The following RFFL variants were observed in gnomAD, a reference collection of about 807,000 sequenced individuals.
RFFL encodes E3 ubiquitin-protein ligase rififylin.
Under a neutral mutation model 40.4 loss-of-function variants are expected in RFFL, and 16 were observed. That is an observed-to-expected ratio of 0.40 (90% CI 0.27 to 0.60). The LOEUF (loss-of-function observed/expected upper bound fraction) is 0.60, where lower values mean the gene tolerates loss of function less well. Ranked by LOEUF, RFFL falls within the 20% of genes least tolerant of loss-of-function variation. The pLI is 0.47. For synonymous variants in RFFL, 154 were observed against 167.9 expected (o/e 0.92, Z 0.64); for missense variants, 367 against 451.7 (o/e 0.81, Z 1.70).
rs35996071 is a variant in RFFL at position 35,075,986 on chromosome 17, CTT to C, written c.-9+13117_-9+13118del. Among the ~76,000 whole-genome samples, 192 of 80,006 alleles carry C rather than the reference CTT, an allele frequency of 2.4e-3. 2 individuals carry two copies. The East Asian group carries it at 0.029, about 12-fold the overall frequency. The allele number at this position is 80,006 out of a possible 152,430, so 52.5% of individuals were successfully genotyped here. On this transcript the variant is annotated intron_variant, in intron 1 of 6. Transcript: ENST00000315249. ...CCAATGCAAATTCTATCAATTTATT[CTT>C]TTTTTTTTTTTTTTTTTTTTTTTGA...
At chr17:35,016,122 G>A (rs1028350337) in intron 5 of RFFL, among the ~76,000 whole-genome samples, 7 of 152,200 alleles carry the variant, frequency 4.6e-5, no homozygotes, top group African/African-American at 1.7e-4. Flanking sequence ...TTACCTTTCA[G>A]ATAAAGGGGT....
chr17:35,045,893 G>C (rs549851303), intron 1 of RFFL, among the ~76,000 whole-genome samples: 1 of 152,046 alleles, frequency 6.6e-6, no homozygotes, highest in East Asian at 1.9e-4. Context: ...GCGTGGTGGT[G>C]TATATGCCCA....
upstream of RFFL, among the ~76,000 whole-genome samples, chr17:35,065,601 T>A (rs1030247871): frequency 2.0e-5 from 3 of 148,972 alleles, no homozygotes; most frequent in African/African-American, 7.4e-5. Flanking sequence ...CAGACAGTAC[T>A]ATGCCCAGGA....
chr17:35,053,720 A>G (rs1455200468), intron 1 of RFFL, among the ~76,000 whole-genome samples: 1 of 152,212 alleles, frequency 6.6e-6, no homozygotes, highest in Admixed American at 6.5e-5. Context: ...ATGGGAAACA[A>G]TAATCTTTTT....
At chr17:35,071,312 T>C (rs1185004326) in intron 1 of RFFL, among the ~76,000 whole-genome samples, 5 of 150,520 alleles carry the variant, frequency 3.3e-5, no homozygotes, top group Admixed American at 6.6e-5. Context: ...GTACAGCAAC[T>C]CTGGAAAAGA....
intron 1 of RFFL, among the ~76,000 whole-genome samples, chr17:35,077,654 T>C (rs1373326704): frequency 6.6e-6 from 1 of 152,248 alleles, no homozygotes; most frequent in Non-Finnish European, 1.5e-5. Flanking sequence ...CATTATCTTA[T>C]AGCTTCTGAT....
intron 1 of RFFL, among the ~76,000 whole-genome samples, chr17:35,038,564 TG>T (rs1597824717): frequency 6.6e-6 from 1 of 152,224 alleles, no homozygotes; most frequent in East Asian, 1.9e-4. Context: ...GGTAGAATTA[TG>T]ATATGTTCAC....
chr17:35,071,016 G>A (rs1344345650), intron 1 of RFFL, among the ~76,000 whole-genome samples: 1 of 151,900 alleles, frequency 6.6e-6, no homozygotes. Flanking sequence ...GGCCAACAGG[G>A]CGAAACCCAG....
intron 1 of RFFL, among the ~76,000 whole-genome samples, chr17:35,088,467 C>T (rs1347677618): frequency 1.3e-5 from 2 of 152,174 alleles, no homozygotes; most frequent in African/African-American, 4.8e-5. Context: ...CAGACTTCCC[C>T]ATGTCTGGTC....
chr17:35,073,124 T>C (rs974294973), intron 1 of RFFL, among the ~76,000 whole-genome samples: 2 of 152,112 alleles, frequency 1.3e-5, no homozygotes, highest in African/African-American at 4.8e-5. Context: ...TTATAAAGTA[T>C]AGCATGTTTC....
chr17:35,046,024 CAAAAA>C (rs369019064), intron 1 of RFFL, among the ~76,000 whole-genome samples: 1 of 63,440 alleles, frequency 1.6e-5, no homozygotes, highest in African/African-American at 4.8e-5. Flanking sequence ...GACTCTGTCT[CAAAAA>C]AAAAAAAAAA....
At chr17:35,068,721 T>C (rs1006656956) in intron 1 of RFFL, among the ~76,000 whole-genome samples, 5 of 152,084 alleles carry the variant, frequency 3.3e-5, no homozygotes, top group Non-Finnish European at 7.4e-5. Flanking sequence ...ATGTCAGTAA[T>C]TGAAAAAGTA....
intron 1 of RFFL, chr17:35,042,135 C>T (rs576332815): frequency 2.0e-4 from 30 of 152,314 alleles, no homozygotes; most frequent in East Asian, 7.7e-4. Context: ...TACCACCCAA[C>T]GCTCTTGGTG....
At chr17:35,072,200 G>C (rs1237887298) in intron 1 of RFFL, among the ~76,000 whole-genome samples, 2 of 151,388 alleles carry the variant, frequency 1.3e-5, no homozygotes, top group Non-Finnish European at 2.9e-5. Flanking sequence ...AGGATGGCTT[G>C]AGCTAGAGAG....
At chr17:35,034,119 G>T (rs969342308) in intron 1 of RFFL, among the ~76,000 whole-genome samples, 1 of 150,398 alleles carries the variant, frequency 6.6e-6, no homozygotes, top group Non-Finnish European at 1.5e-5. Flanking sequence ...CTCCAGTCTG[G>T]GTGACAGAGC....
At chr17:35,024,152 G>A (rs756016795) in intron 2 of RFFL, among the ~76,000 whole-genome samples, 20 of 152,250 alleles carry the variant, frequency 1.3e-4, no homozygotes, top group South Asian at 2.1e-4. Context: ...GCCTCAGGCC[G>A]ACACCACCCT....
At position 35,016,525 on chromosome 17, in the gene RFFL, A is replaced by T; in HGVS notation, c.731T>A (p.Leu244Gln). ...VPGRRASLSD[L>Q]TDLEDIEGLT... The stretch of plus-strand genomic sequence containing the variant: ...GCCTTCAATGTCCTCCAGGTCAGTC[A>T]GGTCAGACAGAGAGGCCCTTCGGCC... The change falls in exon 5 of 7, where the codon CTG becomes CAG. Residue 244 changes from leucine (L) to glutamine (Q), a missense_variant. Leu to Gln is a moderately radical substitution (Grantham distance 113, BLOSUM62 -2). Coordinates refer to ENST00000394597, the MANE Select transcript of RFFL (RefSeq NM_001017368.2). The T allele has an allele frequency of 6.2e-7, 1 of 1,614,212 alleles. No individual in the cohort carries two copies. Among genetic ancestry groups the T allele is most frequent in the Non-Finnish European group, 8.5e-7 (1 of 1,180,028 alleles).
chr17:35,050,229 G>A (rs1355646006), intron 1 of RFFL, among the ~76,000 whole-genome samples: 1 of 151,818 alleles, frequency 6.6e-6, no homozygotes, highest in Non-Finnish European at 1.5e-5. Context: ...CTGGGTGAGA[G>A]GGAGACCCAG....
At chr17:35,085,928 A>T (rs2091427002) in intron 1 of RFFL, among the ~76,000 whole-genome samples, 1 of 152,188 alleles carries the variant, frequency 6.6e-6, no homozygotes, top group Non-Finnish European at 1.5e-5. Context: ...TTAAACTAAG[A>T]CTGGCATAAC....
Sources: gnomAD v4.1 joint callset for allele counts (sites outside exome capture counted in the v4.1 genomes callset) on GRCh38, gnomAD v4.1.1 for gene constraint, MANE v1.5 for transcripts, NCBI Gene and HGNC (gene_info 2026-07-23, HGNC 2026-07-21) for gene names.